Variants in DIP2B observed in about 807,000 individuals in gnomAD.
DIP2B encodes the protein DIP2 acetate--CoA ligase B (putative).
DIP2B carries 76 observed loss-of-function variants against 198.0 expected under a neutral mutation model. The observed-to-expected ratio is 0.38, with a 90% CI of 0.32 to 0.46. The LOEUF is 0.46. Ranked by LOEUF, DIP2B falls within the 20% of genes least tolerant of loss-of-function variation. The pLI is 0.99. For missense variants in DIP2B, 1,559 were observed against 1,978.4 expected (o/e 0.79, Z 4.02); for synonymous variants, 701 against 739.1 (o/e 0.95, Z 0.84).
chr12:50,718,024 C>T lies in DIP2B; in HGVS notation c.2852-685C>T, dbSNP rs1160269441. ...AAGCAATTCTCCTGCCTCAGCCTCC[C>T]GAGTAGCTGGGACTACAGGTGTGTA... is the stretch of plus-strand genomic sequence containing the variant. On this transcript the variant is annotated intron_variant, in intron 23 of 37. Transcript: ENST00000301180. 4.6e-5 allele frequency among the ~76,000 whole-genome samples: 7 copies of T among 151,842 alleles called. No homozygotes were observed. The East Asian group carries it at 5.8e-4, about 13-fold the overall frequency.
At chr12:50,669,788 T>C (rs1282686398) in intron 4 of DIP2B, among the ~76,000 whole-genome samples, 1 of 152,196 alleles carries the variant, frequency 6.6e-6, no homozygotes, top group African/African-American at 2.4e-5. Flanking sequence ...TAGATGAGTC[T>C]TTTGTGGTTC....
Position 50,713,319 on chromosome 12 carries a change from T to G in DIP2B, c.2650-1076T>G, listed in dbSNP as rs541299933. ...AATGACTTGAATGGGTATCTTCACT[T>G]TTAGGATTAACTTGCCTGACCTATG... On this transcript the variant is annotated intron_variant, in intron 22 of 37. Transcript: ENST00000301180. 8.1e-4 allele frequency among the ~76,000 whole-genome samples: 123 copies of G among 152,320 alleles called. 1 individual carries two copies. Among genetic ancestry groups the G allele is most frequent in the Non-Finnish European group, 1.2e-4 (8 of 68,030 alleles).
chr12:50,711,548 T>TTTTG (rs890885230), intron 22 of DIP2B, among the ~76,000 whole-genome samples: 9 of 152,192 alleles, frequency 5.9e-5, no homozygotes, highest in African/African-American at 9.6e-5. Context: ...CCTTTTAAAT[T>TTTTG]TTTGTTTGTT....
At position 50,739,443 on chromosome 12, in the gene DIP2B, A is replaced by G; in HGVS notation, c.4211A>G (p.Tyr1404Cys). ...WVNSPHTASG[Y>C]YTIYDSETLQ... ...AACAGTCCCCATACAGCCAGCGGCT[A>G]CTACACCATCTATGATAGCGAGACT... The change falls in exon 36 of 38, where the codon TAC (tyrosine) becomes TGC (cysteine). Residue 1404 changes from tyrosine to cysteine, a missense_variant. Physicochemically the swap from Tyr to Cys is radical, Grantham distance 194. Coordinates refer to ENST00000301180, the MANE Select transcript of DIP2B (RefSeq NM_173602.3). The G allele has an allele frequency of 6.2e-7, 1 of 1,614,098 alleles. No individual in the cohort carries two copies. Among genetic ancestry groups the G allele is most frequent in the Non-Finnish European group, 8.5e-7 (1 of 1,179,924 alleles).
intron 1 of DIP2B, among the ~76,000 whole-genome samples, chr12:50,540,053 G>GTTTTTTTTTTTTTTTTTTT (rs60978324): frequency 1.2e-3 from 54 of 44,168 alleles, no homozygotes; most frequent in East Asian, 3.1e-3. Context: ...TTGTTTCTGT[G>GTTTTTTTTTTTTTTTTTTT]TTTTTTTTTT....
chr12:50,723,309 C>T lies in DIP2B; in HGVS notation c.3274C>T (p.Arg1092Ter), dbSNP rs1320802727. 6.2e-7 allele frequency: 1 copy of T among 1,614,122 alleles called. No homozygotes were observed. The highest frequency in any genetic ancestry group is 8.5e-7 in the Non-Finnish European group (1 of 1,180,004). The change falls in exon 27 of 38, where the codon CGA (arginine) becomes TGA (stop). Residue 1092 changes from arginine (R) to a stop codon, truncating the protein, a stop_gained. Transcript: ENST00000301180. LOFTEE classifies it high-confidence loss of function. ...CCTCACGGCCACGCTGCCCACTGTCCGAATGATTGTTGATGTAAGTACCAG... is the reference window on the plus strand; with the variant it reads ...CCTCACGGCCACGCTGCCCACTGTCTGAATGATTGTTGATGTAAGTACCAG... Reference protein sequence around the residue: ...QNLTATLPTVRMIVDVSKAAC... With the variant: ...QNLTATLPTV
chr12:50,560,415 AAACTT>A (rs1958509578), intron 1 of DIP2B, among the ~76,000 whole-genome samples: 1 of 151,608 alleles, frequency 6.6e-6, no homozygotes, highest in Non-Finnish European at 1.5e-5. Context: ...AAAAAGCAAA[AAACTT>A]AGCTGGGCGT....
intron 3 of DIP2B, among the ~76,000 whole-genome samples, chr12:50,653,328 C>CTTTTTTTTTTTTTTTTTTT (rs71086465): frequency 8.6e-6 from 1 of 116,306 alleles, no homozygotes; most frequent in Non-Finnish European, 1.7e-5. Context: ...GTCTTTCTTT[C>CTTTTTTTTTTTTTTTTTTT]TTTTTTTTTT....
chr12:50,707,190 A>G (rs769145945), intron 21 of DIP2B, among the ~76,000 whole-genome samples: 5 of 152,230 alleles, frequency 3.3e-5, no homozygotes, highest in Non-Finnish European at 7.3e-5. Context: ...GATATTTGCT[A>G]CATATTTGAG....
chr12:50,643,450 TG>T (rs1938296426), intron 3 of DIP2B, among the ~76,000 whole-genome samples: 1 of 147,308 alleles, frequency 6.8e-6, no homozygotes, highest in Non-Finnish European at 1.5e-5. Context: ...TGTGTGTGTG[TG>T]TTTTAAAGGA....
intron 28 of DIP2B, among the ~76,000 whole-genome samples, chr12:50,726,571 G>A (rs1449761411): frequency 6.6e-6 from 1 of 151,790 alleles, no homozygotes; most frequent in African/African-American, 2.4e-5. Flanking sequence ...GGCTGGTCTC[G>A]AACCCCAGTC....
chr12:50,671,377 G>A lies in DIP2B; in HGVS notation c.619G>A (p.Val207Ile). 1 of 1,614,160 alleles carries A rather than the reference G, an allele frequency of 6.2e-7. No homozygotes were observed. Among genetic ancestry groups the A allele is most frequent in the East Asian group, 2.2e-5 (1 of 44,884 alleles). The change falls in exon 5 of 38, where the codon GTA (valine) becomes ATA (isoleucine). Residue 207 changes from valine (V) to isoleucine (I), a missense_variant. Coordinates refer to ENST00000301180, the MANE Select transcript of DIP2B (RefSeq NM_173602.3). ...VKGTSGSLAD[V>I]FANTRIENFS... Reference sequence around the variant, plus strand: ...AGGAACCAGTGGGTCTCTAGCTGATGTATTTGCCAATACTCGAATAGGTAG... The same window carrying A: ...AGGAACCAGTGGGTCTCTAGCTGATATATTTGCCAATACTCGAATAGGTAG...
At position 50,687,447 on chromosome 12, in the gene DIP2B, G is replaced by A. The variant is rs558349126; in HGVS notation, c.1551+765G>A. 7.1e-4 allele frequency among the ~76,000 whole-genome samples: 108 copies of A among 152,268 alleles called. 1 individual carries two copies. Among genetic ancestry groups the A allele is most frequent in the Admixed American group, 2.0e-3 (31 of 15,288 alleles). On this transcript the variant is annotated intron_variant, in intron 12 of 37. Transcript: ENST00000301180. ...CACCAATTGTTAAGTTAATGAACAG[G>A]CAAATCAATAAAAATTTTTTTCAAG...
intron 1 of DIP2B, among the ~76,000 whole-genome samples, chr12:50,566,182 A>G (rs989121828): frequency 6.6e-6 from 1 of 151,986 alleles, no homozygotes; most frequent in African/African-American, 2.4e-5. Context: ...AGCTGAGACT[A>G]CAGGTGCATG....
intron 2 of DIP2B, among the ~76,000 whole-genome samples, chr12:50,638,642 C>T (rs1938199754): frequency 6.6e-6 from 1 of 151,954 alleles, no homozygotes; most frequent in Non-Finnish European, 1.5e-5. Context: ...ATTTTAGCAC[C>T]CCAGGTAATT....
intron 1 of DIP2B, among the ~76,000 whole-genome samples, chr12:50,571,681 T>C (rs1958616323): frequency 6.7e-6 from 1 of 149,936 alleles, no homozygotes; most frequent in African/African-American, 2.5e-5. Context: ...GCCTCCCAAG[T>C]AACTGGGACT....
chr12:50,528,346 A>G (rs973407816), intron 1 of DIP2B, among the ~76,000 whole-genome samples: 1 of 151,580 alleles, frequency 6.6e-6, no homozygotes, highest in African/African-American at 2.4e-5. Context: ...GTTACTATAT[A>G]AAAGTATACT....
At position 50,731,525 on chromosome 12, in the gene DIP2B, G is replaced by A. The variant is rs1408822725; in HGVS notation, c.3798G>A (p.Val1266=). The part of the protein sequence containing the change: ...ELCTKGLGNQ[V]EVLKTRGINL... ...GCACCAAAGGTCTTGGGAACCAAGT[G>A]GAAGTGCTAAAGGTAAGAAGCAGCT... The change falls in exon 31 of 38, where the codon GTG becomes GTA. Residue 1266 remains valine (V), a synonymous_variant. Coordinates refer to ENST00000301180, the MANE Select transcript of DIP2B (RefSeq NM_173602.3). 3 of 1,612,914 alleles carry A rather than the reference G, an allele frequency of 1.9e-6. No homozygotes were observed. In the African/African-American group the frequency reaches 4.0e-5, roughly 22 times the overall value.
chr12:50,653,513 G>A (rs1938499215), intron 3 of DIP2B, among the ~76,000 whole-genome samples: 1 of 151,348 alleles, frequency 6.6e-6, no homozygotes, highest in Non-Finnish European at 1.5e-5. Context: ...GCTAATTTTT[G>A]TGTTTCTTTG....
Sources: gnomAD v4.1 joint callset for allele counts (sites outside exome capture counted in the v4.1 genomes callset) on GRCh38, gnomAD v4.1.1 for gene constraint, MANE v1.5 for transcripts, NCBI Gene and HGNC (gene_info 2026-07-23, HGNC 2026-07-21) for gene names.